Variants in TMEM217 observed in about 807,000 individuals in gnomAD.
TMEM217 encodes chromosome 6 open reading frame 128.
For synonymous variants in TMEM217, 76 were observed against 88.3 expected (o/e 0.86, Z 0.78); for missense variants, 204 against 248.8 (o/e 0.82, Z 1.21).
At chr6:37,252,615 GTGTA>G (rs1765480667) in intron 1 of TMEM217, among the ~76,000 whole-genome samples, 6 of 91,224 alleles carry the variant, frequency 6.6e-5, no homozygotes, top group Admixed American at 2.7e-4. Context: ...GTGTATGTGT[GTGTA>G]TATATATATA....
Position 37,257,787 on chromosome 6 carries a change from T to A in TMEM217, c.-231A>T, listed in dbSNP as rs961868770. ...AGGGGTGCCCACATCCAAGATGGCG[T>A]CCCCAGGAGCTGGGAGCGGGTGACC... On this transcript the variant is annotated 5_prime_UTR_variant, in exon 1 of 2. Transcript: ENST00000357219. 14 of 973,560 alleles carry A rather than the reference T, an allele frequency of 1.4e-5. No homozygotes were observed. In the African/African-American group the frequency reaches 1.6e-4, roughly 11 times the overall value. 60.3% of individuals were successfully genotyped at this position (973,560 alleles called of 1,614,324 possible).
intron 1 of TMEM217, among the ~76,000 whole-genome samples, chr6:37,237,519 A>C (rs948767003): frequency 2.6e-5 from 4 of 152,234 alleles, no homozygotes; most frequent in African/African-American, 9.6e-5. Context: ...TGCAGACATT[A>C]AAAAGGATAT....
chr6:37,219,119 C>CAAA, intron 1 of TMEM217, 78 bp from the exon 2 acceptor site: 1 of 1,288,922 alleles, frequency 7.8e-7, no homozygotes, highest in Non-Finnish European at 1.1e-6. Flanking sequence ...GCCTCCTTCC[C>CAAA]CAAATCTACT....
intron 1 of TMEM217, among the ~76,000 whole-genome samples, chr6:37,230,702 T>C (rs1764151240): frequency 6.6e-6 from 1 of 152,124 alleles, no homozygotes; most frequent in South Asian, 2.1e-4. Flanking sequence ...AATTAATTTC[T>C]GTTGTTTAAG....
At chr6:37,243,859 G>A (rs954518742) in intron 1 of TMEM217, among the ~76,000 whole-genome samples, 1 of 152,176 alleles carries the variant, frequency 6.6e-6, no homozygotes, top group Non-Finnish European at 1.5e-5. Context: ...AAAACTCCTT[G>A]TGTGCTGAGT....
chr6:37,212,463 G>A, exon 4 of TMEM217: 1 of 450,882 alleles, frequency 2.2e-6, no homozygotes, highest in Non-Finnish European at 4.5e-6. Context: ...GTAGTCATGA[G>A]TTCACTGCAA....
At chr6:37,231,226 A>ATTTTTTTTTTTTTTTTTTTTTTTT (rs35394043) in intron 1 of TMEM217, among the ~76,000 whole-genome samples, 1 of 87,448 alleles carries the variant, frequency 1.1e-5, no homozygotes, top group Non-Finnish European at 2.2e-5. Flanking sequence ...TGCCTGGCTA[A>ATTTTTTTTTTTTTTTTTTTTTTTT]TTTTTTTTTT....
At chr6:37,215,190 A>G (rs1288746974), downstream of TMEM217, 7 of 1,613,154 alleles carry the variant, frequency 4.3e-6, no homozygotes, top group Non-Finnish European at 5.9e-6. Flanking sequence ...TATTCATTCA[A>G]TACTCACTCA....
intron 1 of TMEM217, among the ~76,000 whole-genome samples, chr6:37,223,031 G>A (rs899750383): frequency 2.0e-5 from 3 of 152,156 alleles, no homozygotes; most frequent in Admixed American, 6.5e-5. Context: ...ACAGATTAAG[G>A]AATAATTAGT....
At chr6:37,218,171 T>TC (rs1378057572) in exon 2 of TMEM217, 84 of 801,116 alleles carry the variant, frequency 1.0e-4, no homozygotes, top group Non-Finnish European at 1.3e-4. Flanking sequence ...GCTGCTAACT[T>TC]TTTTTTTTTT....
intron 1 of TMEM217, among the ~76,000 whole-genome samples, chr6:37,239,965 G>C (rs768370618): frequency 4.6e-5 from 7 of 151,880 alleles, no homozygotes; most frequent in Non-Finnish European, 1.0e-4. Flanking sequence ...TAAACAACTA[G>C]AAATTTATTT....
chr6:37,220,300 T>C (rs761793327), intron 1 of TMEM217, among the ~76,000 whole-genome samples: 1 of 152,208 alleles, frequency 6.6e-6, no homozygotes, highest in Non-Finnish European at 1.5e-5. Flanking sequence ...CTAGGCACAC[T>C]TGATTTCATT....
downstream of TMEM217, chr6:37,213,144 C>G (rs1248280631): frequency 1.6e-6 from 1 of 627,684 alleles, no homozygotes; most frequent in Non-Finnish European, 2.8e-6. Flanking sequence ...GACATGGGGT[C>G]TGGCCCGTGC....
chr6:37,242,951 A>G (rs1409892795), intron 1 of TMEM217, among the ~76,000 whole-genome samples: 1 of 152,088 alleles, frequency 6.6e-6, no homozygotes, highest in Non-Finnish European at 1.5e-5. Flanking sequence ...TCTTCTTCTC[A>G]TGGCTCATTG....
chr6:37,249,938 G>A (rs966980981), intron 1 of TMEM217, among the ~76,000 whole-genome samples: 1 of 152,272 alleles, frequency 6.6e-6, no homozygotes. Flanking sequence ...GTTCACTTAT[G>A]CAGAAGACAC....
At chr6:37,227,402 A>T (rs1259174072) in intron 1 of TMEM217, among the ~76,000 whole-genome samples, 4 of 151,338 alleles carry the variant, frequency 2.6e-5, no homozygotes, top group African/African-American at 4.9e-5. Context: ...ATGCGGCAAA[A>T]CTTCCAAGTG....
At chr6:37,235,246 T>G (rs1347691831) in intron 1 of TMEM217, among the ~76,000 whole-genome samples, 1 of 152,240 alleles carries the variant, frequency 6.6e-6, no homozygotes, top group African/African-American at 2.4e-5. Context: ...AATTCCATCT[T>G]GGAATGTTGG....
intron 1 of TMEM217, among the ~76,000 whole-genome samples, chr6:37,236,284 G>C (rs571485921): frequency 6.6e-6 from 1 of 152,192 alleles, no homozygotes; most frequent in South Asian, 2.1e-4. Context: ...CACTGTGCCT[G>C]GCCATTTATT....
downstream of TMEM217, among the ~76,000 whole-genome samples, chr6:37,213,440 CA>C (rs911894333): frequency 1.3e-5 from 2 of 152,266 alleles, no homozygotes; most frequent in Non-Finnish European, 2.9e-5. Context: ...CCTCTGCCCC[CA>C]CTACTCTTTC....
Sources: allele counts gnomAD v4.1 joint callset (sites outside exome capture counted in the v4.1 genomes callset), GRCh38; gene constraint gnomAD v4.1.1; transcripts MANE v1.5; gene names NCBI Gene and HGNC (gene_info 2026-07-23, HGNC 2026-07-21).